The following DAG1 variants were observed in gnomAD, a reference collection of about 807,000 sequenced individuals.
The protein encoded by DAG1 is dystroglycan 1 (dystrophin-associated glycoprotein 1).
Under a neutral mutation model 46.1 loss-of-function variants are expected in DAG1, and 8 were observed. That is an observed-to-expected ratio of 0.17 (90% CI 0.10 to 0.31). The LOEUF (loss-of-function observed/expected upper bound fraction) is 0.31, where lower values mean the gene tolerates loss of function less well. Among genes scored for constraint, DAG1 ranks in the 10% least tolerant of loss-of-function variants. The pLI, the probability that DAG1 is intolerant of heterozygous loss-of-function variation, is 1.00. For missense variants in DAG1, 1,003 were observed against 1,189.9 expected, an observed-to-expected ratio of 0.84 and a Z score of 2.31; for synonymous variants, 495 against 481.8, an observed-to-expected ratio of 1.03 and a Z score of -0.36.
At chr3:49,499,977 C>CTTT (rs1189123113) in intron 1 of DAG1, among the ~76,000 whole-genome samples, 2 of 141,092 alleles carry the variant, frequency 1.4e-5, no homozygotes, top group Non-Finnish European at 3.1e-5. Flanking sequence ...ACTTCTTCTT[C>CTTT]TTTTTTTTTT....
chr3:49,520,038 G>A (rs575038563), intron 2 of DAG1, among the ~76,000 whole-genome samples: 1 of 152,344 alleles, frequency 6.6e-6, no homozygotes, highest in Admixed American at 6.5e-5. Flanking sequence ...AGGTTTGCAT[G>A]TCTAACAGCA....
rs1359369638 is a variant in DAG1, at chr3:49,532,732, C to T, written c.2221C>T (p.Pro741Ser). 6 of 1,614,044 alleles carry T rather than the reference C, an allele frequency of 3.7e-6. No homozygotes were observed. The highest frequency in any genetic ancestry group is 1.7e-5 in the Admixed American group (1 of 60,014). ...GCCCACAGAAGTGCCTGACAGGGAC[C>T]CTGAGAAGAGCAGTGAGGATGATGT... ...APPTEVPDRD[P>S]EKSSEDDVYL... Residue 741 changes from proline to serine, a missense_variant, in exon 3 of 3, where the codon CCT becomes TCT. Pro to Ser is a moderately conservative substitution (Grantham distance 74). Transcript: ENST00000308775. This position sits in a 1 kb window ranked among gnomAD's most constrained non-coding sequence, Gnocchi z 5.4.
chr3:49,502,589 G>A (rs551967515), intron 1 of DAG1, among the ~76,000 whole-genome samples: 2 of 151,980 alleles, frequency 1.3e-5, no homozygotes, highest in Non-Finnish European at 2.9e-5. Flanking sequence ...ATTGATGACA[G>A]GAATCAATCA....
At chr3:49,520,628 G>A (rs76383043) in intron 2 of DAG1, among the ~76,000 whole-genome samples, 2 of 152,196 alleles carry the variant, frequency 1.3e-5, no homozygotes. Flanking sequence ...TCTGTTGGGG[G>A]ACACGGGGAA....
intron 1 of DAG1, among the ~76,000 whole-genome samples, chr3:49,480,591 C>T (rs974777561): frequency 4.8e-5 from 7 of 144,330 alleles, no homozygotes; most frequent in African/African-American, 9.8e-5. Context: ...CTGCGTCCGG[C>T]GCATATAACA....
chr3:49,504,440 A>G (rs921697696), intron 1 of DAG1, among the ~76,000 whole-genome samples: 20 of 151,426 alleles, frequency 1.3e-4, no homozygotes, highest in South Asian at 2.1e-4. Context: ...TGAAAAGGCA[A>G]TTTTTTCCCC....
chr3:49,491,771 C>T (rs1045216763), intron 1 of DAG1, among the ~76,000 whole-genome samples: 5 of 152,050 alleles, frequency 3.3e-5, no homozygotes, highest in Admixed American at 6.6e-5. Flanking sequence ...CCACCGCGCC[C>T]GGCCTGTCCT....
chr3:49,524,809 CCTGTCT>C (rs1195712525), intron 2 of DAG1, among the ~76,000 whole-genome samples: 1 of 151,900 alleles, frequency 6.6e-6, no homozygotes, highest in Non-Finnish European at 1.5e-5. Context: ...ATAATGAGAC[CCTGTCT>C]CTACACACCC....
At chr3:49,495,950 G>GA (rs111432411) in intron 1 of DAG1, among the ~76,000 whole-genome samples, 158 of 144,742 alleles carry the variant, frequency 1.1e-3, no homozygotes, top group East Asian at 3.8e-3. Context: ...CAAAAAAACA[G>GA]AAAAAAAAAA....
intron 1 of DAG1, among the ~76,000 whole-genome samples, chr3:49,508,332 G>T (rs2050666119): frequency 6.6e-6 from 1 of 151,416 alleles, no homozygotes; most frequent in African/African-American, 2.4e-5. Flanking sequence ...CTCCCGAGTA[G>T]CTGGGATTAC....
chr3:49,491,633 C>T (rs1000493121), intron 1 of DAG1, among the ~76,000 whole-genome samples: 9 of 151,930 alleles, frequency 5.9e-5, no homozygotes, highest in East Asian at 2.0e-4. Context: ...TCCGCCAACA[C>T]GCCTGGCTAA....
intron 1 of DAG1, among the ~76,000 whole-genome samples, chr3:49,505,135 C>A (rs2050570357): frequency 6.6e-6 from 1 of 151,946 alleles, no homozygotes; most frequent in Non-Finnish European, 1.5e-5. Flanking sequence ...CTGCATGCCA[C>A]CACACTTGGC....
At chr3:49,513,204 A>G (rs1427214134) in intron 2 of DAG1, among the ~76,000 whole-genome samples, 1 of 152,076 alleles carries the variant, frequency 6.6e-6, no homozygotes, top group Non-Finnish European at 1.5e-5. Flanking sequence ...ATGGCTGGCA[A>G]GTTGATGCTG....
chr3:49,529,129 G>A (rs978160220), intron 2 of DAG1, among the ~76,000 whole-genome samples: 1 of 152,092 alleles, frequency 6.6e-6, no homozygotes, highest in Non-Finnish European at 1.5e-5. Context: ...GGGATTACAG[G>A]GGTGAGCCAC....
chr3:49,520,623 T>A (rs2051002335), intron 2 of DAG1, among the ~76,000 whole-genome samples: 1 of 152,030 alleles, frequency 6.6e-6, no homozygotes, highest in Admixed American at 6.5e-5. Flanking sequence ...ATGGATCTGT[T>A]GGGGGACACG....
chr3:49,521,290 A>G (rs1028741476), intron 2 of DAG1, among the ~76,000 whole-genome samples: 3 of 151,818 alleles, frequency 2.0e-5, no homozygotes, highest in Non-Finnish European at 2.9e-5. Context: ...CAGCCTCCCA[A>G]GTAGCTGGGA....
At chr3:49,476,863 A>G (rs958851051) in intron 1 of DAG1, 2 of 152,148 alleles carry the variant, frequency 1.3e-5, no homozygotes, top group African/African-American at 4.8e-5. Flanking sequence ...ACTGCTCTCC[A>G]GGAAGATAAG....
At chr3:49,474,348 C>G (rs529207052) in intron 1 of DAG1, among the ~76,000 whole-genome samples, 4 of 151,564 alleles carry the variant, frequency 2.6e-5, no homozygotes, top group Non-Finnish European at 4.4e-5. Context: ...GCCACCGCAC[C>G]CGGCTAATTT....
At chr3:49,507,175 CAAAAAA>C (rs1372722011) in intron 1 of DAG1, among the ~76,000 whole-genome samples, 5 of 150,424 alleles carry the variant, frequency 3.3e-5, no homozygotes, top group Admixed American at 2.7e-4. Flanking sequence ...ACTCCTTCTC[CAAAAAA>C]AAGAAAAAGA....
Sources: gnomAD v4.1 joint callset for allele counts (sites outside exome capture counted in the v4.1 genomes callset) on GRCh38, gnomAD v4.1.1 for gene constraint, Gnocchi (gnomAD v3.1) non-coding constraint, MANE v1.5 for transcripts, NCBI Gene and HGNC (gene_info 2026-07-23, HGNC 2026-07-21) for gene names.